Variants in BAZ2B observed in about 807,000 individuals in gnomAD.
The protein encoded by BAZ2B is bromodomain adjacent to zinc finger domain 2B, also known as bromodomain adjacent to zinc finger domain protein 2B.
A neutral mutation model predicts 246.0 loss-of-function variants in BAZ2B; 91 were observed. The observed-to-expected ratio is 0.37, with a 90% CI of 0.31 to 0.44. The LOEUF is 0.44. BAZ2B is among the 20% of genes least tolerant of loss of function. BAZ2B has a pLI of 1.00. For synonymous variants in BAZ2B, 855 were observed against 860.0 expected, an observed-to-expected ratio of 0.99 and a Z score of 0.10; for missense variants, 2,332 against 2,533.7, an observed-to-expected ratio of 0.92 and a Z score of 1.71.
intron 2 of BAZ2B, among the ~76,000 whole-genome samples, chr2:159,553,695 CCT>C (rs1158743175): frequency 6.6e-6 from 1 of 151,886 alleles, no homozygotes; most frequent in Non-Finnish European, 1.5e-5. Context: ...CAGCAATTCT[CCT>C]GACTTCTGAA....
Position 159,429,208 on chromosome 2 carries a change from C to A in BAZ2B, c.2247G>T (p.Leu749Phe). The change falls in exon 11 of 37, where the codon TTG becomes TTT. Residue 749 changes from leucine (L) to phenylalanine (F), a missense_variant. Leu to Phe is a conservative substitution (Grantham distance 22). Around this residue, in one of 9 missense-constraint regions of BAZ2B, gnomAD observed 651 missense variants for 650.9 expected, o/e 1.00. Coordinates refer to ENST00000392783, the MANE Select transcript of BAZ2B (RefSeq NM_013450.4). Reference protein sequence around the residue: ...VTDERELRIPLEYGWQRETRI... With the variant: ...VTDERELRIPFEYGWQRETRI... ...AACCTTATTTTGCATACCCATATTC[C>A]AATGGAATACGCAGTTCACGTTCAT... 6.5e-7 allele frequency: 1 copy of A among 1,547,854 alleles called. No individual in the cohort carries two copies. Among genetic ancestry groups the A allele is most frequent in the Non-Finnish European group, 8.7e-7 (1 of 1,143,506 alleles).
chr2:159,377,656 T>C (rs571228393), intron 25 of BAZ2B, among the ~76,000 whole-genome samples: 4 of 151,554 alleles, frequency 2.6e-5, no homozygotes, highest in Non-Finnish European at 5.9e-5. Flanking sequence ...CTACTAAAAA[T>C]ACAAAAATTA....
chr2:159,472,597 T>C (rs1305216402), intron 3 of BAZ2B, among the ~76,000 whole-genome samples: 1 of 152,244 alleles, frequency 6.6e-6, no homozygotes, highest in Non-Finnish European at 1.5e-5. Context: ...CTTTAGCCCA[T>C]TCAGTATGAT....
At chr2:159,510,959 A>G (rs549266614) in intron 2 of BAZ2B, among the ~76,000 whole-genome samples, 2 of 152,198 alleles carry the variant, frequency 1.3e-5, no homozygotes, top group Non-Finnish European at 2.9e-5. Context: ...CACTTTGCTT[A>G]TAAAACTAGA....
chr2:159,426,834 C>T (rs565866612), intron 13 of BAZ2B, among the ~76,000 whole-genome samples: 1 of 152,192 alleles, frequency 6.6e-6, no homozygotes, highest in East Asian at 1.9e-4. Flanking sequence ...GAGACCTTTT[C>T]CATTTCAAAA....
chr2:159,474,160 T>C (rs750679247), intron 3 of BAZ2B, among the ~76,000 whole-genome samples: 23 of 152,302 alleles, frequency 1.5e-4, no homozygotes, highest in Non-Finnish European at 2.4e-4. Flanking sequence ...AGTGGGGTGT[T>C]TAAGTCATCC....
chr2:159,366,601 T>C (rs2060241676), intron 27 of BAZ2B, among the ~76,000 whole-genome samples: 1 of 152,234 alleles, frequency 6.6e-6, no homozygotes, highest in African/African-American at 2.4e-5. Context: ...GCTGAGGATA[T>C]GACCAGCAAT....
At chr2:159,487,388 G>A (rs558510344) in intron 2 of BAZ2B, among the ~76,000 whole-genome samples, 2 of 152,038 alleles carry the variant, frequency 1.3e-5, no homozygotes, top group Non-Finnish European at 2.9e-5. Context: ...TTAAAAAGGT[G>A]GTAAACCATT....
chr2:159,366,478 A>T (rs1316890668), intron 27 of BAZ2B, among the ~76,000 whole-genome samples: 17 of 152,230 alleles, frequency 1.1e-4, no homozygotes, highest in Non-Finnish European at 4.4e-5. Flanking sequence ...GACACTGGTC[A>T]CTTTTCCAGC....
intron 2 of BAZ2B, among the ~76,000 whole-genome samples, chr2:159,534,115 G>C (rs2151335439): frequency 6.6e-6 from 1 of 152,238 alleles, no homozygotes; most frequent in Admixed American, 6.5e-5. Flanking sequence ...CCTATGTTAT[G>C]ATTCCAAATA....
chr2:159,604,957 T>C lies in BAZ2B; in HGVS notation c.-46+11285A>G, dbSNP rs912114946. Among the ~76,000 whole-genome samples, 12 of 137,842 alleles carry C rather than the reference T, an allele frequency of 8.7e-5. No homozygotes were observed. The South Asian group carries it at 1.0e-3, about 12-fold the overall frequency. 90.4% of individuals were successfully genotyped at this position (137,842 alleles called of 152,430 possible). ...TTGTGTGTGTGTGTGTGTGTGCGCG[T>C]GTGTGCGCGCGCTAGGAGAGAGAGA... On this transcript the variant is annotated intron_variant, in intron 1 of 36. Transcript: ENST00000392783.
At chr2:159,675,766 G>A in the BAZ2B span, among the ~76,000 whole-genome samples, 1 of 151,760 alleles carries the variant, frequency 6.6e-6, no homozygotes, top group African/African-American at 2.4e-5. Flanking sequence ...TTTTGAGATC[G>A]GGTCTCACTG....
the BAZ2B span, among the ~76,000 whole-genome samples, chr2:159,623,413 T>C: frequency 2.0e-5 from 3 of 151,948 alleles, no homozygotes; most frequent in Non-Finnish European, 4.4e-5. Flanking sequence ...CAAAAAGAAA[T>C]GCCCAAGGGC....
chr2:159,426,765 T>C (rs886502612), intron 13 of BAZ2B, among the ~76,000 whole-genome samples: 1 of 152,148 alleles, frequency 6.6e-6, no homozygotes, highest in African/African-American at 2.4e-5. Context: ...GCCTTGTGTG[T>C]GACCTTAAAA....
chr2:159,549,895 C>G (rs2087924087), intron 2 of BAZ2B, among the ~76,000 whole-genome samples: 1 of 149,376 alleles, frequency 6.7e-6, no homozygotes, highest in South Asian at 2.1e-4. Flanking sequence ...GCAATCTCAG[C>G]TCACTGCAAC....
the BAZ2B span, among the ~76,000 whole-genome samples, chr2:159,652,874 T>C: frequency 3.4e-4 from 52 of 152,168 alleles, no homozygotes; most frequent in African/African-American, 9.4e-4. Context: ...TATCTTGGCC[T>C]CCTAAAGTGC....
At chr2:159,519,236 T>TTTTTTTTTTTTTTA (rs1553692833) in intron 2 of BAZ2B, among the ~76,000 whole-genome samples, 17 of 70,612 alleles carry the variant, frequency 2.4e-4, no homozygotes, top group Non-Finnish European at 3.9e-4. Flanking sequence ...TTTTTTTTTT[T>TTTTTTTTTTTTTTA]TTTTGAGACG....
chr2:159,698,528 A>C, the BAZ2B span, among the ~76,000 whole-genome samples: 3 of 144,722 alleles, frequency 2.1e-5, no homozygotes, highest in African/African-American at 7.9e-5. Context: ...AAAAAAAAAA[A>C]CAAAAAAAAC....
intron 2 of BAZ2B, among the ~76,000 whole-genome samples, chr2:159,535,566 A>T (rs973184714): frequency 6.6e-6 from 1 of 152,204 alleles, no homozygotes; most frequent in Non-Finnish European, 1.5e-5. Flanking sequence ...TTTGAAGAAT[A>T]TTATGACTCA....
Sources: gnomAD v4.1 joint callset for allele counts (sites outside exome capture counted in the v4.1 genomes callset) on GRCh38, gnomAD v4.1.1 for gene constraint, gnomAD v4.1.1 regional missense constraint, MANE v1.5 for transcripts, NCBI Gene and HGNC (gene_info 2026-07-23, HGNC 2026-07-21) for gene names.